MYNN: variants seen among roughly 807,000 people sequenced by gnomAD.
MYNN encodes zinc finger and BTB domain-containing protein 31.
Under a neutral mutation model 57.2 loss-of-function variants are expected in MYNN, and 22 were observed. The observed-to-expected ratio is 0.38, with a 90% CI of 0.27 to 0.55. The LOEUF (loss-of-function observed/expected upper bound fraction) is 0.55. Ranked by LOEUF, MYNN falls within the 20% of genes least tolerant of loss-of-function variation. The probability of loss-of-function intolerance (pLI) is 0.71; values close to 1 mark genes in which losing one functional copy is unlikely to be tolerated. For synonymous variants in MYNN, 241 were observed against 257.1 expected (o/e 0.94, Z 0.60); for missense variants, 566 against 723.1 (o/e 0.78, Z 2.49).
rs1034749032 is a variant in MYNN at position 169,779,791 on chromosome 3, A to T, written c.1060+230A>T. The T allele has an allele frequency of 7.8e-6, 4 of 510,042 alleles. No individual in the cohort carries two copies. In the Admixed American group the frequency reaches 1.4e-4, roughly 18 times the overall value. The allele number at this position is 510,042 out of a possible 1,614,324, so 31.6% of individuals were successfully genotyped here. A position where few individuals can be genotyped will look rare whatever the true frequency, so the allele number is the denominator to read the frequency against. The stretch of plus-strand genomic sequence containing the variant: ...ACTCCTTATACCATTTTCCCTCCAA[A>T]TAAGTATGTTGATTCTAGCTTACCA... On this transcript the variant is annotated intron_variant, in intron 3 of 7. Coordinates refer to ENST00000349841, the MANE Select transcript of MYNN (RefSeq NM_018657.5).
At position 169,788,891 on chromosome 3, in the gene MYNN, T is replaced by C. The variant is rs532731282; in HGVS notation, c.*2213T>C. 86 of 152,284 alleles carry C rather than the reference T, an allele frequency of 5.6e-4. No homozygotes were observed. The highest frequency in any genetic ancestry group is 2.0e-3 in the African/African-American group (82 of 41,574). The allele number at this position is 152,284 out of a possible 1,614,324, so 9.4% of individuals were successfully genotyped here. A position where few individuals can be genotyped will look rare whatever the true frequency, so the allele number is the denominator to read the frequency against. ...TATTATTTATCATAATATGCATATA[T>C]TTAGTTGTATCTGGTATCATTCTAA... On this transcript the variant is annotated 3_prime_UTR_variant, in exon 8 of 8. Transcript: ENST00000349841.
intron 2 of MYNN, chr3:169,778,545 G>T: frequency 2.4e-6 from 1 of 422,972 alleles, no homozygotes; most frequent in Non-Finnish European, 4.1e-6. Flanking sequence ...ACTGTCAGCT[G>T]TGAATAGCCA....
At chr3:169,780,864 C>A in intron 4 of MYNN, 115 bp downstream of exon 4, 1 of 904,574 alleles carries the variant, frequency 1.1e-6, no homozygotes, top group Non-Finnish European at 1.6e-6. Context: ...TTCCACCAAA[C>A]AATGTTAACA....
At chr3:169,774,776 A>G (rs1778280301) in intron 2 of MYNN, among the ~76,000 whole-genome samples, 1 of 152,260 alleles carries the variant, frequency 6.6e-6, no homozygotes. Flanking sequence ...GATTTCTGAC[A>G]CGTTTATTTA....
rs1407910068 is a variant in MYNN, at chr3:169,782,762, A to G, written c.1399+119A>G. Reference sequence around the variant, plus strand: ...TAGTTAGATATCTGTTTATATTTCTATAAGCTATGTTTATGATTTTTGCAC... The same window carrying G: ...TAGTTAGATATCTGTTTATATTTCTGTAAGCTATGTTTATGATTTTTGCAC... On this transcript the variant is annotated intron_variant, in intron 5 of 7. Coordinates refer to ENST00000349841, the MANE Select transcript of MYNN (RefSeq NM_018657.5). The surrounding 1 kb of genome is among the most constrained non-coding windows in gnomAD (Gnocchi z 4.8). The G allele has an allele frequency of 5.5e-6, 4 of 722,932 alleles. No homozygotes were observed. Among genetic ancestry groups the G allele is most frequent in the Non-Finnish European group, 8.8e-6 (4 of 454,128 alleles). 44.8% of individuals were successfully genotyped at this position (722,932 alleles called of 1,614,324 possible).
In MYNN at chr3:169,787,565, T is replaced by A. The variant is rs993468277; in HGVS notation, c.*887T>A. 1 of 152,152 alleles carries A rather than the reference T, an allele frequency of 6.6e-6. No homozygotes were observed. Among genetic ancestry groups the A allele is most frequent in the African/African-American group, 2.4e-5 (1 of 41,460 alleles). The allele number at this position is 152,152 out of a possible 1,614,324, so 9.4% of individuals were successfully genotyped here. On this transcript the variant is annotated 3_prime_UTR_variant, in exon 8 of 8. Transcript: ENST00000349841. Reference sequence around the variant, plus strand: ...AATTCCAGAAAGAATTTTCTAGATATAAACTTAATGCATACTAGAAATCAC... The same window carrying A: ...AATTCCAGAAAGAATTTTCTAGATAAAAACTTAATGCATACTAGAAATCAC...
At chr3:169,783,904 T>C (rs570630268) in intron 6 of MYNN, 1 of 274,984 alleles carries the variant, frequency 3.6e-6, no homozygotes, top group African/African-American at 2.3e-5. Context: ...CAGTGTTTAG[T>C]ATGCAATTTT....
rs914836101 is a variant in MYNN, at chr3:169,786,907, T to C, written c.*229T>C. The C allele has an allele frequency of 2.3e-6, 1 of 433,094 alleles. No homozygotes were observed. Among genetic ancestry groups the C allele is most frequent in the East Asian group, 3.5e-5 (1 of 28,848 alleles). 26.8% of individuals were successfully genotyped at this position (433,094 alleles called of 1,614,324 possible). A position where few individuals can be genotyped will look rare whatever the true frequency, so the allele number is the denominator to read the frequency against. Reference sequence around the variant, plus strand: ...TAAGTAATGAATTATGTAGCACTATTTTGGGTGGATGAGTTTTATTTTCTT... The same window carrying C: ...TAAGTAATGAATTATGTAGCACTATCTTGGGTGGATGAGTTTTATTTTCTT... On this transcript the variant is annotated 3_prime_UTR_variant, in exon 8 of 8. Coordinates refer to ENST00000349841, the MANE Select transcript of MYNN (RefSeq NM_018657.5).
rs1027546294 is a variant in MYNN, at chr3:169,788,622, A to G, written c.*1944A>G. On this transcript the variant is annotated 3_prime_UTR_variant, in exon 8 of 8. Coordinates refer to ENST00000349841, the MANE Select transcript of MYNN (RefSeq NM_018657.5). ...TAGTTGCCAAATTTCCTCTGGTATT[A>G]TTAGCATTCTGCCTTTGCATAGATT... 2.0e-5 allele frequency: 3 copies of G among 152,206 alleles called. No homozygotes were observed. The highest frequency in any genetic ancestry group is 4.4e-5 in the Non-Finnish European group (3 of 67,996). 9.4% of individuals were successfully genotyped at this position (152,206 alleles called of 1,614,324 possible).
rs372726113 is a variant in MYNN at position 169,779,031 on chromosome 3, C to T, written c.530C>T (p.Ser177Phe). Reference sequence around the variant, plus strand: ...CAAGGCGCGTTAGCGAAAAAGTCATCTCAAACGAAAAAGAAGAAGAAGGCT... The same window carrying T: ...CAAGGCGCGTTAGCGAAAAAGTCATTTCAAACGAAAAAGAAGAAGAAGGCT... Reference protein sequence around the residue: ...PKQGALAKKSSQTKKKKKAFN... With the variant: ...PKQGALAKKSFQTKKKKKAFN... The change falls in exon 3 of 8, where the codon TCT becomes TTT. Residue 177 changes from serine (S) to phenylalanine (F), a missense_variant. By Grantham distance (155) the Ser-to-Phe change is radical (BLOSUM62 -2). This residue lies in a region of MYNN where 261 missense variants were observed against 280.8 expected (regional missense o/e 0.93). Coordinates refer to ENST00000349841, the MANE Select transcript of MYNN (RefSeq NM_018657.5). 14 of 1,613,860 alleles carry T rather than the reference C, an allele frequency of 8.7e-6. No individual in the cohort carries two copies. Among genetic ancestry groups the T allele is most frequent in the Admixed American group, 3.3e-5 (2 of 60,000 alleles).
rs1483047400 is a variant in MYNN at position 169,786,405 on chromosome 3, T to G, written c.1571-11T>G. ...AAAGATAATGTAGATTTTTTTTTCC[T>G]TCCATTCTAGGTGCAGATAAAACTC... On this transcript the variant is annotated splice_polypyrimidine_tract_variant and intron_variant, in intron 7 of 7. Transcript: ENST00000349841. 6.3e-7 allele frequency: 1 copy of G among 1,599,490 alleles called. No homozygotes were observed. The highest frequency in any genetic ancestry group is 8.5e-7 in the Non-Finnish European group (1 of 1,171,894).
rs1465026863 is a variant in MYNN, at chr3:169,783,457, A to G, written c.1400-20A>G. ...TATTGGTATAGTACACCACTTCGCT[A>G]TCTTTTATTTTCCATCTAGGTGAAA... On this transcript the variant is annotated intron_variant, in intron 5 of 7. Coordinates refer to ENST00000349841, the MANE Select transcript of MYNN (RefSeq NM_018657.5). 12 of 1,459,510 alleles carry G rather than the reference A, an allele frequency of 8.2e-6. No individual in the cohort carries two copies. Among genetic ancestry groups the G allele is most frequent in the Non-Finnish European group, 1.2e-5 (12 of 1,042,726 alleles). 90.4% of individuals were successfully genotyped at this position (1,459,510 alleles called of 1,614,324 possible).
rs776519428 is a variant in MYNN at position 169,783,460 on chromosome 3, T to G, written c.1400-17T>G. The G allele has an allele frequency of 6.6e-7, 1 of 1,523,360 alleles. No individual in the cohort carries two copies. Among genetic ancestry groups the G allele is most frequent in the Non-Finnish European group, 9.1e-7 (1 of 1,100,670 alleles). 94.4% of individuals were successfully genotyped at this position (1,523,360 alleles called of 1,614,324 possible). ...TGGTATAGTACACCACTTCGCTATC[T>G]TTTATTTTCCATCTAGGTGAAAAAC... On this transcript the variant is annotated splice_polypyrimidine_tract_variant and intron_variant, in intron 5 of 7. Coordinates refer to ENST00000349841, the MANE Select transcript of MYNN (RefSeq NM_018657.5).
chr3:169,775,067 T>C (rs1778295302), intron 2 of MYNN, among the ~76,000 whole-genome samples: 1 of 152,126 alleles, frequency 6.6e-6, no homozygotes, highest in South Asian at 2.1e-4. Context: ...AACAAAAAAT[T>C]CTAAGTTACT....
rs990507551 is a variant in MYNN at position 169,787,071 on chromosome 3, G to C, written c.*393G>C. ...CCCTCATAATTTAAGCAAAATCCAC[G>C]ATAGTATCAGCCCAAGAGTGTGTTG... On this transcript the variant is annotated 3_prime_UTR_variant, in exon 8 of 8. Coordinates refer to ENST00000349841, the MANE Select transcript of MYNN (RefSeq NM_018657.5). 1 of 193,114 alleles carries C rather than the reference G, an allele frequency of 5.2e-6. No homozygotes were observed. Among genetic ancestry groups the C allele is most frequent in the African/African-American group, 2.3e-5 (1 of 42,672 alleles). 12.0% of individuals were successfully genotyped at this position (193,114 alleles called of 1,614,324 possible). A position where few individuals can be genotyped will look rare whatever the true frequency, so the allele number is the denominator to read the frequency against.
intron 6 of MYNN, 98 bp downstream of exon 6, chr3:169,783,658 G>A: frequency 2.5e-6 from 2 of 816,254 alleles, no homozygotes; most frequent in Non-Finnish European, 4.3e-6. Context: ...ATGGTATTTA[G>A]TCATACTGTA....
rs1214652039 is a variant in MYNN, at chr3:169,787,573, A to G, written c.*895A>G. The G allele has an allele frequency of 6.6e-6, 1 of 152,132 alleles. No individual in the cohort carries two copies. Among genetic ancestry groups the G allele is most frequent in the Admixed American group, 6.6e-5 (1 of 15,264 alleles). The allele number at this position is 152,132 out of a possible 1,614,324, so 9.4% of individuals were successfully genotyped here. ...AAAGAATTTTCTAGATATAAACTTA[A>G]TGCATACTAGAAATCACTTGGCTTC... is the stretch of plus-strand genomic sequence containing the variant. On this transcript the variant is annotated 3_prime_UTR_variant, in exon 8 of 8. Transcript: ENST00000349841.
chr3:169,780,802 T>TATTCATAAGAC, intron 4 of MYNN, 53 bp downstream of exon 4: 4 of 1,376,620 alleles, frequency 2.9e-6, no homozygotes, highest in Non-Finnish European at 3.0e-6. Flanking sequence ...CACCATAGTC[T>TATTCATAAGAC]TATGAATAGA....
intron 2 of MYNN, chr3:169,778,155 G>A (rs1188440148): frequency 7.0e-6 from 1 of 141,892 alleles, no homozygotes; most frequent in Non-Finnish European, 1.6e-5. Context: ...AGGCTGCGGT[G>A]AGTTATCATT....
Sources: gnomAD v4.1 joint callset for allele counts (sites outside exome capture counted in the v4.1 genomes callset) on GRCh38, gnomAD v4.1.1 for gene constraint, gnomAD v4.1.1 regional missense constraint, Gnocchi (gnomAD v3.1) non-coding constraint, MANE v1.5 for transcripts, NCBI Gene and HGNC (gene_info 2026-07-23, HGNC 2026-07-21) for gene names.